The following MINDY4 variants were observed in gnomAD, a reference collection of about 807,000 sequenced individuals.
MINDY4 encodes probable ubiquitin carboxyl-terminal hydrolase MINDY-4.
In MINDY4, 68 loss-of-function variants were observed where a neutral mutation model predicts 87.0. The observed-to-expected ratio is 0.78, with a 90% CI of 0.64 to 0.96. MINDY4 has a LOEUF of 0.96. MINDY4 is among the 40% of genes least tolerant of loss of function. The pLI is 0.00. For missense variants in MINDY4, 919 were observed against 928.2 expected (o/e 0.99, Z 0.13); for synonymous variants, 379 against 363.2 (o/e 1.04, Z -0.50).
At chr7:30,878,449 G>T (rs563005703) in intron 15 of MINDY4, among the ~76,000 whole-genome samples, 1 of 152,136 alleles carries the variant, frequency 6.6e-6, no homozygotes, top group African/African-American at 2.4e-5. Context: ...GTGTCCTGCC[G>T]GACCTCCATG....
At chr7:30,877,366 G>A (rs1790294289) in intron 15 of MINDY4, among the ~76,000 whole-genome samples, 1 of 152,100 alleles carries the variant, frequency 6.6e-6, no homozygotes, top group African/African-American at 2.4e-5. Flanking sequence ...AACCAGTTGG[G>A]GTCATCCTTC....
At chr7:30,891,354 G>A (rs1208466197) in intron 17 of MINDY4, among the ~76,000 whole-genome samples, 1 of 152,180 alleles carries the variant, frequency 6.6e-6, no homozygotes, top group Admixed American at 6.5e-5. Context: ...CTGTTATTCA[G>A]TTGTCTCTAA....
chr7:30,837,360 C>T (rs527332153), intron 7 of MINDY4, among the ~76,000 whole-genome samples: 5 of 152,164 alleles, frequency 3.3e-5, no homozygotes, highest in African/African-American at 4.8e-5. Flanking sequence ...ATGTCATTCC[C>T]GCTGTCCTCT....
chr7:30,877,822 C>CTT lies in MINDY4; in HGVS notation c.1971+2201_1971+2202dup, dbSNP rs60164229. Among the ~76,000 whole-genome samples, 81 of 47,540 alleles carry CTT rather than the reference C, an allele frequency of 1.7e-3. 21 individuals carry two copies. The highest frequency in any genetic ancestry group is 2.5e-3 in the Non-Finnish European group (56 of 22,536). 31.2% of individuals were successfully genotyped at this position (47,540 alleles called of 152,430 possible). A position where few individuals can be genotyped will look rare whatever the true frequency, so the allele number is the denominator to read the frequency against. Reference sequence around the variant, plus strand: ...GAGTAGCTGGGATTACAGGGACATGCTTTTTTTTTTTTTTTTTTTTTTTTT... The same window carrying CTT: ...GAGTAGCTGGGATTACAGGGACATGCTTTTTTTTTTTTTTTTTTTTTTTTTTT... On this transcript the variant is annotated intron_variant, in intron 15 of 17. Coordinates refer to ENST00000265299, the MANE Select transcript of MINDY4 (RefSeq NM_032222.3).
chr7:30,861,727 G>C (rs902238142), intron 13 of MINDY4, among the ~76,000 whole-genome samples: 1 of 152,250 alleles, frequency 6.6e-6, no homozygotes, highest in Non-Finnish European at 1.5e-5. Flanking sequence ...TGGTCCAACC[G>C]TATCCCAGGA....
At chr7:30,853,975 A>AC (rs1187577244) in intron 12 of MINDY4, among the ~76,000 whole-genome samples, 198 of 148,696 alleles carry the variant, frequency 1.3e-3, no homozygotes, top group African/African-American at 4.4e-3. Flanking sequence ...GGGGCTCTGG[A>AC]GCCCCCCCGC....
At position 30,852,283 on chromosome 7, in the gene MINDY4, C is replaced by T. The variant is rs376470548; in HGVS notation, c.1611+4C>T. Reference sequence around the variant, plus strand: ...AGCAGATGGAGTCTTAGAAACAGTACGACTTTCTGGAAAATTATCACGCAA... The same window carrying T: ...AGCAGATGGAGTCTTAGAAACAGTATGACTTTCTGGAAAATTATCACGCAA... On this transcript the variant is annotated splice_donor_region_variant and intron_variant, in intron 11 of 17. Coordinates refer to ENST00000265299, the MANE Select transcript of MINDY4 (RefSeq NM_032222.3). 9.7e-5 allele frequency: 157 copies of T among 1,614,010 alleles called. No individual in the cohort carries two copies. The East Asian group carries it at 1.5e-3, about 15-fold the overall frequency.
At chr7:30,828,805 G>A in intron 6 of MINDY4, 68 bp downstream of exon 6, 2 of 1,540,406 alleles carry the variant, frequency 1.3e-6, no homozygotes, top group South Asian at 2.2e-5. Flanking sequence ...GCTCTGTCTG[G>A]GAGATGGGTG....
intron 17 of MINDY4, among the ~76,000 whole-genome samples, chr7:30,885,824 C>T (rs759455595): frequency 6.6e-6 from 1 of 152,154 alleles, no homozygotes; most frequent in African/African-American, 2.4e-5. Flanking sequence ...TAGCTATCCC[C>T]TCATCCCCAG....
chr7:30,878,003 C>T (rs1790329079), intron 15 of MINDY4, among the ~76,000 whole-genome samples: 1 of 151,732 alleles, frequency 6.6e-6, no homozygotes, highest in Non-Finnish European at 1.5e-5. Context: ...TTAACACCAC[C>T]TTCCATCCCT....
chr7:30,868,129 A>G (rs995617588), intron 13 of MINDY4, among the ~76,000 whole-genome samples: 3 of 152,222 alleles, frequency 2.0e-5, no homozygotes, highest in Non-Finnish European at 2.9e-5. Flanking sequence ...GCCCAGATTC[A>G]CACAGGGAGG....
chr7:30,791,715 A>G (rs1218988092), intron 5 of MINDY4, 141 bp downstream of exon 5: 3 of 846,458 alleles, frequency 3.5e-6, no homozygotes, highest in East Asian at 2.8e-5. Context: ...CCGGCAAGGT[A>G]GAGTTTGTTA....
rs1472361528 is a variant in MINDY4 at position 30,771,604 on chromosome 7, G to T, written c.63+48G>T. On this transcript the variant is annotated intron_variant, in intron 1 of 17. Transcript: ENST00000265299. ...GCCCAGGAAGTGGCTCTAATTTGGG[G>T]GGATCATCGGGGTCTCCCCTGAAGG... 5 of 1,546,742 alleles carry T rather than the reference G, an allele frequency of 3.2e-6. No homozygotes were observed. The East Asian group carries it at 9.4e-5, about 29-fold the overall frequency.
intron 6 of MINDY4, among the ~76,000 whole-genome samples, chr7:30,833,215 A>G (rs918126974): frequency 6.6e-6 from 1 of 152,228 alleles, no homozygotes; most frequent in African/African-American, 2.4e-5. Context: ...TGATAAAAAC[A>G]TACCCGAGAT....
intron 6 of MINDY4, among the ~76,000 whole-genome samples, chr7:30,831,757 A>G (rs957981419): frequency 2.0e-5 from 3 of 152,182 alleles, no homozygotes; most frequent in African/African-American, 7.2e-5. Flanking sequence ...TCCCTATGGA[A>G]TCTTCCTATG....
intron 5 of MINDY4, among the ~76,000 whole-genome samples, chr7:30,797,360 G>A (rs1787520346): frequency 6.6e-6 from 1 of 152,216 alleles, no homozygotes; most frequent in Non-Finnish European, 1.5e-5. Context: ...AATAAATCAT[G>A]GAAGAGTGAC....
intron 12 of MINDY4, chr7:30,857,819 A>G (rs1035214351): frequency 2.0e-5 from 3 of 152,166 alleles, no homozygotes; most frequent in Non-Finnish European, 2.9e-5. Context: ...CACCAATACA[A>G]TCTTTTTAAA....
At chr7:30,793,732 C>A (rs187978724) in intron 5 of MINDY4, among the ~76,000 whole-genome samples, 3 of 152,242 alleles carry the variant, frequency 2.0e-5, no homozygotes, top group Admixed American at 6.5e-5. Flanking sequence ...CGTGGAAGAG[C>A]AGCCCACTTC....
chr7:30,803,208 A>T (rs1241312230), intron 5 of MINDY4: 1 of 152,200 alleles, frequency 6.6e-6, no homozygotes, highest in Non-Finnish European at 1.5e-5. Context: ...CGCTGGAGAG[A>T]GTTGACAGGC....
Sources: allele counts gnomAD v4.1 joint callset (sites outside exome capture counted in the v4.1 genomes callset), GRCh38; gene constraint gnomAD v4.1.1; transcripts MANE v1.5; gene names NCBI Gene and HGNC (gene_info 2026-07-23, HGNC 2026-07-21).